UNC119B: variants seen among roughly 807,000 people sequenced by gnomAD.
The protein encoded by UNC119B is unc-119 lipid binding chaperone B.
UNC119B carries 16 observed loss-of-function variants against 23.4 expected under a neutral mutation model. That is an observed-to-expected ratio of 0.68 (90% CI 0.46 to 1.04). The LOEUF is 1.04. UNC119B is among the 50% of genes least tolerant of loss of function. The pLI is 0.00. For missense variants in UNC119B, 350 were observed against 361.3 expected (o/e 0.97, Z 0.25); for synonymous variants, 144 against 145.4 (o/e 0.99, Z 0.07).
rs748115881 is a variant in UNC119B, at chr12:120,710,585, C to T, written c.111C>T (p.Arg37=). Residue 37 remains arginine (R), a synonymous_variant, in exon 1 of 5, where the codon CGC becomes CGT. Transcript: ENST00000344651. The part of the protein sequence containing the change: ...KKKAGGGVLN[R]LKARRQAPHH... Reference sequence around the variant, plus strand: ...AGGCGGGCGGCGGCGTCCTGAACCGCCTGAAGGCGCGGCGGCAGGCGCCCC... The same window carrying T: ...AGGCGGGCGGCGGCGTCCTGAACCGTCTGAAGGCGCGGCGGCAGGCGCCCC... 7.7e-6 allele frequency: 11 copies of T among 1,426,886 alleles called. 1 individual carries two copies. In the South Asian group the frequency reaches 1.3e-4, roughly 17 times the overall value. The allele number at this position is 1,426,886 out of a possible 1,614,324, so 88.4% of individuals were successfully genotyped here. A position where few individuals can be genotyped will look rare whatever the true frequency, so the allele number is the denominator to read the frequency against.
chr12:120,718,233 G>C (rs753643235), intron 4 of UNC119B, among the ~76,000 whole-genome samples: 1 of 152,176 alleles, frequency 6.6e-6, no homozygotes, highest in Non-Finnish European at 1.5e-5. Context: ...CAGTGCCTAA[G>C]GGAGATAAAA....
intron 2 of UNC119B, among the ~76,000 whole-genome samples, chr12:120,714,549 G>C (rs1276293265): frequency 6.6e-6 from 1 of 152,110 alleles, no homozygotes; most frequent in Non-Finnish European, 1.5e-5. Flanking sequence ...TCAGACGCCT[G>C]ACCTTTGATT....
At chr12:120,711,963 TTGAAACAGTG>T (rs1882681000) in intron 1 of UNC119B, among the ~76,000 whole-genome samples, 2 of 152,252 alleles carry the variant, frequency 1.3e-5, no homozygotes, top group Admixed American at 1.3e-4. Flanking sequence ...GTTAGTTTTA[TTGAAACAGTG>T]TGAAAAAGCT....
At chr12:120,717,675 G>T (rs1882810206) in intron 4 of UNC119B, among the ~76,000 whole-genome samples, 1 of 150,080 alleles carries the variant, frequency 6.7e-6, no homozygotes, top group Non-Finnish European at 1.5e-5. Flanking sequence ...TGATTCTCCT[G>T]CCTCAGCCTC....
chr12:120,717,244 A>G (rs753871466), intron 4 of UNC119B, among the ~76,000 whole-genome samples: 2 of 152,054 alleles, frequency 1.3e-5, no homozygotes, highest in East Asian at 1.9e-4. Flanking sequence ...TATGGGAGCA[A>G]TGAAGGGTTT....
chr12:120,719,835 A>T lies in UNC119B; in HGVS notation c.644-85A>T, dbSNP rs574471731. On this transcript the variant is annotated intron_variant, in intron 4 of 4. Coordinates refer to ENST00000344651, the MANE Select transcript of UNC119B (RefSeq NM_001080533.3). The stretch of plus-strand genomic sequence containing the variant: ...GAAGCGCTGGCTTATTTTGGAGGGG[A>T]TGCAAAGTTTTCTCCCACCTACCCT... The T allele has an allele frequency of 3.6e-5, 32 of 886,040 alleles. No homozygotes were observed. In the East Asian group the frequency reaches 7.6e-4, roughly 21 times the overall value. 54.9% of individuals were successfully genotyped at this position (886,040 alleles called of 1,614,324 possible).
At position 120,710,598 on chromosome 12, in the gene UNC119B, C is replaced by T; in HGVS notation, c.124C>T (p.Arg42Trp). 3.5e-6 allele frequency: 5 copies of T among 1,429,780 alleles called. No individual in the cohort carries two copies. The highest frequency in any genetic ancestry group is 1.5e-5 in the African/African-American group (1 of 67,072). The allele number at this position is 1,429,780 out of a possible 1,614,324, so 88.6% of individuals were successfully genotyped here. ...CGTCCTGAACCGCCTGAAGGCGCGGCGGCAGGCGCCCCACCACGCGGCCGA... is the reference window on the plus strand; with the variant it reads ...CGTCCTGAACCGCCTGAAGGCGCGGTGGCAGGCGCCCCACCACGCGGCCGA... ...GGVLNRLKAR[R>W]QAPHHAADDG... is the part of the protein sequence containing the mutation. The change falls in exon 1 of 5, where the codon CGG becomes TGG. Residue 42 changes from arginine to tryptophan, a missense_variant. By Grantham distance (101) the Arg-to-Trp change is moderately radical (BLOSUM62 -3). Transcript: ENST00000344651.
chr12:120,710,532 C>A lies in UNC119B; in HGVS notation c.58C>A (p.Leu20Met). ...AAASAAGPGG[L>M]VAGKEEKKKA... ...GGCGTCGGCGGCTGGGCCCGGGGGG[C>A]TGGTGGCTGGCAAGGAGGAGAAGAA... Residue 20 changes from leucine to methionine, a missense_variant, in exon 1 of 5, where the codon CTG becomes ATG. By Grantham distance (15) the Leu-to-Met change is conservative. Coordinates refer to ENST00000344651, the MANE Select transcript of UNC119B (RefSeq NM_001080533.3). 7.3e-7 allele frequency: 1 copy of A among 1,374,312 alleles called. No individual in the cohort carries two copies. The allele number at this position is 1,374,312 out of a possible 1,614,324, so 85.1% of individuals were successfully genotyped here.
intron 3 of UNC119B, 54 bp from the exon 4 acceptor site, chr12:120,716,816 T>G: frequency 1.2e-6 from 2 of 1,605,582 alleles, no homozygotes; most frequent in Non-Finnish European, 1.7e-6. Flanking sequence ...GGTTTTGGGT[T>G]GGCTTTAGAG....
At chr12:120,718,286 C>T (rs2136932370) in intron 4 of UNC119B, among the ~76,000 whole-genome samples, 1 of 152,306 alleles carries the variant, frequency 6.6e-6, no homozygotes, top group South Asian at 2.1e-4. Context: ...AGATAAAGCA[C>T]CTCTCCTGTG....
rs1882928979 is a variant in UNC119B at position 120,722,330 on chromosome 12, A to T, written c.*2298A>T. Reference sequence around the variant, plus strand: ...TGCTTCTGAAAGTCTGGTGTTCTGTATCTGGGGCTGTGGGTTCCTGTGTCT... The same window carrying T: ...TGCTTCTGAAAGTCTGGTGTTCTGTTTCTGGGGCTGTGGGTTCCTGTGTCT... On this transcript the variant is annotated 3_prime_UTR_variant, in exon 5 of 5. Coordinates refer to ENST00000344651, the MANE Select transcript of UNC119B (RefSeq NM_001080533.3). The T allele has an allele frequency of 6.6e-6, 1 of 152,462 alleles. No individual in the cohort carries two copies. Among genetic ancestry groups the T allele is most frequent in the Non-Finnish European group, 1.5e-5 (1 of 68,258 alleles). The allele number at this position is 152,462 out of a possible 1,614,324, so 9.4% of individuals were successfully genotyped here.
intron 1 of UNC119B, chr12:120,711,433 A>G (rs1451442916): frequency 6.6e-6 from 1 of 152,268 alleles, no homozygotes; most frequent in Admixed American, 6.5e-5. Context: ...CGTTTCCTGC[A>G]CAAAAGGCAA....
At chr12:120,713,063 A>C (rs970628476) in intron 1 of UNC119B, among the ~76,000 whole-genome samples, 1 of 152,264 alleles carries the variant, frequency 6.6e-6, no homozygotes, top group African/African-American at 2.4e-5. Flanking sequence ...TTTTTCATCC[A>C]AAGCAAGTCC....
Position 120,710,550 on chromosome 12 carries a change from GAGA to G in UNC119B, c.85_87del (p.Lys29del), listed in dbSNP as rs1566018775. 12 of 1,393,132 alleles carry G rather than the reference GAGA, an allele frequency of 8.6e-6. No homozygotes were observed. Among genetic ancestry groups the G allele is most frequent in the Admixed American group, 3.4e-5 (1 of 29,172 alleles). The allele number at this position is 1,393,132 out of a possible 1,614,324, so 86.3% of individuals were successfully genotyped here. On this transcript the variant is annotated inframe_deletion, in exon 1 of 5. Transcript: ENST00000344651. ...CGGGGGGCTGGTGGCTGGCAAGGAG[GAGA>G]AGAAGAAGGCGGGCGGCGGCGTCCT...
chr12:120,711,614 C>T (rs577747047), intron 1 of UNC119B: 6 of 152,376 alleles, frequency 3.9e-5, no homozygotes, highest in African/African-American at 1.4e-4. Flanking sequence ...CTAGTTAGGC[C>T]TATCTTGGCC....
intron 2 of UNC119B, 107 bp downstream of exon 2, chr12:120,713,494 C>T (rs549966688): frequency 6.6e-5 from 55 of 829,516 alleles, no homozygotes; most frequent in South Asian, 3.2e-4. Context: ...CCAGTGTGTC[C>T]CACTTCTGTG....
At chr12:120,717,067 C>T (rs756547088) in intron 4 of UNC119B, 25 bp downstream of exon 4, 3 of 1,538,528 alleles carry the variant, frequency 1.9e-6, no homozygotes, top group African/African-American at 2.8e-5. Flanking sequence ...ACCCTTACAG[C>T]ACTCTAGATT....
Position 120,716,698 on chromosome 12 carries a change from G to T in UNC119B, c.429G>T (p.Gln143His), listed in dbSNP as rs747675800. 6.2e-7 allele frequency: 1 copy of T among 1,614,200 alleles called. No homozygotes were observed. The highest frequency in any genetic ancestry group is 1.1e-5 in the South Asian group (1 of 91,084). The part of the protein sequence containing the change: ...DISAGRFVRY[Q>H]FTPAFLRLRT... ...GCGCAGGACGTTTTGTCCGCTATCA[G>T]TTCACACCGGCATTTCTCCGCCTCC... is the stretch of plus-strand genomic sequence containing the variant. Residue 143 changes from glutamine (Q) to histidine (H), a missense_variant, in exon 3 of 5, where the codon CAG becomes CAT. Physicochemically the swap from Gln to His is conservative, Grantham distance 24. Transcript: ENST00000344651.
At chr12:120,710,743 TC>T in intron 1 of UNC119B, 25 bp downstream of exon 1, 2 of 1,321,666 alleles carry the variant, frequency 1.5e-6, no homozygotes, top group Non-Finnish European at 1.9e-6. Flanking sequence ...GGCCGCGCCC[TC>T]CCCTCGCGCC....
Sources: gnomAD v4.1 joint callset for allele counts (sites outside exome capture counted in the v4.1 genomes callset) on GRCh38, gnomAD v4.1.1 for gene constraint, MANE v1.5 for transcripts, NCBI Gene and HGNC (gene_info 2026-07-23, HGNC 2026-07-21) for gene names.